TMEM132B: variants seen among roughly 807,000 people sequenced by gnomAD.
The protein encoded by TMEM132B is transmembrane protein 132B.
TMEM132B carries 18 observed loss-of-function variants against 90.8 expected under a neutral mutation model. That is an observed-to-expected ratio of 0.20 (90% CI 0.14 to 0.29). TMEM132B has a LOEUF of 0.29. Among genes scored for constraint, TMEM132B ranks in the 10% least tolerant of loss-of-function variants. TMEM132B has a pLI of 1.00. For missense variants in TMEM132B, 1,096 were observed against 1,326.8 expected (o/e 0.83, Z 2.70); for synonymous variants, 504 against 523.3 (o/e 0.96, Z 0.50).
intron 2 of TMEM132B, among the ~76,000 whole-genome samples, chr12:125,394,591 T>C (rs144404404): frequency 1.3e-5 from 2 of 152,286 alleles, no homozygotes; most frequent in African/African-American, 2.4e-5. Context: ...TAGTTTCCTT[T>C]TTATTTTGGG....
chr12:125,228,189 G>A (rs1331535300), intron 1 of TMEM132B, among the ~76,000 whole-genome samples: 2 of 151,906 alleles, frequency 1.3e-5, no homozygotes, highest in Non-Finnish European at 2.9e-5. Flanking sequence ...CCCTGTTTCC[G>A]CCTCTCGGTT....
intron 1 of TMEM132B, among the ~76,000 whole-genome samples, chr12:125,325,633 G>T (rs1255427673): frequency 7.3e-5 from 11 of 151,324 alleles, no homozygotes; most frequent in Admixed American, 2.0e-4. Flanking sequence ...TGTTAAGAAG[G>T]TGTTCACCTC....
At chr12:125,187,265 T>C (rs1957765771) in intron 1 of TMEM132B, among the ~76,000 whole-genome samples, 1 of 152,104 alleles carries the variant, frequency 6.6e-6, no homozygotes, top group Admixed American at 6.5e-5. Context: ...CCTTCTCCAG[T>C]GTCTTGCTGC....
intron 1 of TMEM132B, among the ~76,000 whole-genome samples, chr12:125,268,941 T>C (rs911990482): frequency 2.6e-5 from 4 of 152,218 alleles, no homozygotes; most frequent in African/African-American, 4.8e-5. Context: ...AATCTTACCA[T>C]GCTGCTAGTT....
At chr12:125,281,335 G>A (rs1875163963) in intron 1 of TMEM132B, among the ~76,000 whole-genome samples, 1 of 152,140 alleles carries the variant, frequency 6.6e-6, no homozygotes, top group African/African-American at 2.4e-5. Context: ...TGCTTGGTAG[G>A]GTTGGAGAAT....
intron 3 of TMEM132B, among the ~76,000 whole-genome samples, chr12:125,488,708 G>T (rs894556910): frequency 3.9e-5 from 6 of 152,200 alleles, no homozygotes; most frequent in Admixed American, 2.6e-4. Flanking sequence ...TTTATCAGCA[G>T]CATGAAAACA....
intron 1 of TMEM132B, among the ~76,000 whole-genome samples, chr12:125,294,387 C>T (rs1160104079): frequency 6.6e-6 from 1 of 152,180 alleles, no homozygotes; most frequent in South Asian, 2.1e-4. Context: ...AATTCCACTG[C>T]TGGAAATCTA....
chr12:125,466,221 C>T (rs955995775), intron 3 of TMEM132B, among the ~76,000 whole-genome samples: 4 of 152,150 alleles, frequency 2.6e-5, no homozygotes, highest in African/African-American at 9.7e-5. Context: ...AGTAGCAGGA[C>T]CACTTCTGGC....
chr12:125,648,267 T>C (rs541300281), intron 6 of TMEM132B, among the ~76,000 whole-genome samples: 1 of 152,150 alleles, frequency 6.6e-6, no homozygotes, highest in South Asian at 2.1e-4. Flanking sequence ...TATTCCATGG[T>C]GTATATGTGC....
intron 2 of TMEM132B, among the ~76,000 whole-genome samples, chr12:125,388,274 A>G (rs527350392): frequency 6.6e-6 from 1 of 152,194 alleles, no homozygotes; most frequent in South Asian, 2.1e-4. Flanking sequence ...CTAAAAATAC[A>G]CAAAAGTAGC....
intron 2 of TMEM132B, among the ~76,000 whole-genome samples, chr12:125,366,980 C>T (rs1040868806): frequency 7.2e-5 from 11 of 152,070 alleles, no homozygotes; most frequent in Non-Finnish European, 1.5e-4. Context: ...TTACTTTTAG[C>T]TATTGTAGTT....
At chr12:125,379,427 A>G (rs2136283340) in intron 2 of TMEM132B, among the ~76,000 whole-genome samples, 1 of 152,312 alleles carries the variant, frequency 6.6e-6, no homozygotes, top group African/African-American at 2.4e-5. Flanking sequence ...TAGAAGCTGG[A>G]AAAAGCAAAA....
chr12:125,546,120 A>G lies in TMEM132B; in HGVS notation c.1293+26495A>G, dbSNP rs114032449. The stretch of plus-strand genomic sequence containing the variant: ...ACCTCCCAAGTTCCCACATATATAT[A>G]ATGTATACATCTTTTGCAATAAATT... On this transcript the variant is annotated intron_variant, in intron 4 of 8. Coordinates refer to ENST00000682704, the MANE Select transcript of TMEM132B (RefSeq NM_001366854.1). Among the ~76,000 whole-genome samples the G allele has an allele frequency of 2.0e-3, 298 of 152,250 alleles. 2 individuals are homozygous for G. The highest frequency in any genetic ancestry group is 6.9e-3 in the African/African-American group (285 of 41,536).
At chr12:125,566,065 G>A (rs972450479) in intron 4 of TMEM132B, among the ~76,000 whole-genome samples, 1 of 152,204 alleles carries the variant, frequency 6.6e-6, no homozygotes, top group Non-Finnish European at 1.5e-5. Flanking sequence ...GGGAAATTGT[G>A]TAAGTTTTAT....
intron 1 of TMEM132B, among the ~76,000 whole-genome samples, chr12:125,258,758 C>T (rs1204867601): frequency 6.6e-6 from 1 of 152,092 alleles, no homozygotes; most frequent in Non-Finnish European, 1.5e-5. Flanking sequence ...TTAAAAAATG[C>T]AATGTGCCAC....
chr12:125,228,918 C>A (rs1012990562), intron 1 of TMEM132B, among the ~76,000 whole-genome samples: 2 of 152,188 alleles, frequency 1.3e-5, no homozygotes, highest in East Asian at 3.8e-4. Flanking sequence ...AATTCTCTCC[C>A]TAAGAGAGGA....
intron 3 of TMEM132B, among the ~76,000 whole-genome samples, chr12:125,420,927 A>G (rs1053915385): frequency 2.6e-5 from 4 of 152,204 alleles, no homozygotes; most frequent in Admixed American, 6.5e-5. Context: ...AAGTTCCACA[A>G]ATCTCTAGGG....
intron 4 of TMEM132B, among the ~76,000 whole-genome samples, chr12:125,556,064 A>T (rs1884377926): frequency 6.6e-6 from 1 of 152,234 alleles, no homozygotes; most frequent in Admixed American, 6.5e-5. Context: ...TCCTATTTTA[A>T]CTTGGAATAA....
intron 3 of TMEM132B, among the ~76,000 whole-genome samples, chr12:125,433,521 G>A (rs199851206): frequency 1.1e-5 from 1 of 90,266 alleles, no homozygotes; most frequent in Non-Finnish European, 2.1e-5. Context: ...TTTTTTTTTT[G>A]TCTTTTTTTT....
Sources: allele counts gnomAD v4.1 joint callset (sites outside exome capture counted in the v4.1 genomes callset), GRCh38; gene constraint gnomAD v4.1.1; transcripts MANE v1.5; gene names NCBI Gene and HGNC (gene_info 2026-07-23, HGNC 2026-07-21).